Variants in SYT9 observed in about 807,000 individuals in gnomAD.
SYT9 encodes the protein synaptotagmin-9.
Under a neutral mutation model 48.4 loss-of-function variants are expected in SYT9, and 22 were observed. The observed-to-expected ratio is 0.45, with a 90% CI of 0.32 to 0.65. The LOEUF is 0.65. Ranked by LOEUF, SYT9 falls within the 30% of genes least tolerant of loss-of-function variation. The probability of loss-of-function intolerance (pLI) is 0.03; values close to 1 mark genes in which losing one functional copy is unlikely to be tolerated. For synonymous variants in SYT9, 265 were observed against 245.0 expected (o/e 1.08, Z -0.76); for missense variants, 577 against 622.0 (o/e 0.93, Z 0.77).
intron 3 of SYT9, among the ~76,000 whole-genome samples, chr11:7,345,248 G>A (rs971177893): frequency 6.6e-6 from 1 of 152,202 alleles, no homozygotes; most frequent in Non-Finnish European, 1.5e-5. Context: ...ACTAGGCTCT[G>A]CCTGGGTTTT....
intron 3 of SYT9, among the ~76,000 whole-genome samples, chr11:7,322,243 G>C (rs1007783190): frequency 6.6e-6 from 1 of 152,204 alleles, no homozygotes; most frequent in African/African-American, 2.4e-5. Context: ...TCCCCAGGCT[G>C]CTGCCAGCTT....
chr11:7,377,476 G>A (rs1241468985), intron 3 of SYT9, among the ~76,000 whole-genome samples: 3 of 152,102 alleles, frequency 2.0e-5, no homozygotes, highest in African/African-American at 7.2e-5. Context: ...TTGGAGGAAA[G>A]GCAGATCCTC....
At chr11:7,390,277 T>C (rs1378952520) in intron 3 of SYT9, among the ~76,000 whole-genome samples, 1 of 152,198 alleles carries the variant, frequency 6.6e-6, no homozygotes, top group African/African-American at 2.4e-5. Flanking sequence ...TCCAGCTTCA[T>C]CCATGTCCCT....
At chr11:7,250,888 A>T (rs1459421430), upstream of SYT9, among the ~76,000 whole-genome samples, 2 of 152,164 alleles carry the variant, frequency 1.3e-5, no homozygotes, top group African/African-American at 4.8e-5. Flanking sequence ...AGTATTACAA[A>T]AAAGACAAAA....
intron 6 of SYT9, among the ~76,000 whole-genome samples, chr11:7,429,661 G>A (rs549479521): frequency 6.6e-6 from 1 of 152,188 alleles, no homozygotes; most frequent in Admixed American, 6.5e-5. Context: ...TGGGAGTGAA[G>A]AGAACCATTC....
At chr11:7,388,027 G>A (rs1056626277) in intron 3 of SYT9, among the ~76,000 whole-genome samples, 2 of 152,006 alleles carry the variant, frequency 1.3e-5, no homozygotes, top group African/African-American at 4.8e-5. Flanking sequence ...ACTATGAATT[G>A]GGGAATATTC....
chr11:7,308,259 T>A (rs1443107689), intron 2 of SYT9, among the ~76,000 whole-genome samples: 2 of 152,212 alleles, frequency 1.3e-5, no homozygotes, highest in Non-Finnish European at 2.9e-5. Flanking sequence ...TTCTCTCTTT[T>A]TTCTCCTTGG....
intron 1 of SYT9, among the ~76,000 whole-genome samples, chr11:7,294,528 A>G (rs957615671): frequency 6.6e-6 from 1 of 152,258 alleles, no homozygotes; most frequent in African/African-American, 2.4e-5. Flanking sequence ...GTGAAAAGGC[A>G]TAGGATGGAC....
chr11:7,455,619 A>G (rs188912910), intron 6 of SYT9, among the ~76,000 whole-genome samples: 5 of 152,096 alleles, frequency 3.3e-5, no homozygotes, highest in Non-Finnish European at 7.4e-5. Context: ...GGATTTAGAC[A>G]TGAGCCATTG....
intron 3 of SYT9, among the ~76,000 whole-genome samples, chr11:7,354,503 G>A (rs1445543791): frequency 6.6e-6 from 1 of 152,158 alleles, no homozygotes; most frequent in Non-Finnish European, 1.5e-5. Context: ...TACACTGAGG[G>A]ATGCTGCACC....
chr11:7,358,978 C>T (rs1003296289), intron 3 of SYT9, among the ~76,000 whole-genome samples: 1 of 152,106 alleles, frequency 6.6e-6, no homozygotes, highest in East Asian at 1.9e-4. Flanking sequence ...TTAGGTATAT[C>T]TCCCAATGCT....
intron 3 of SYT9, among the ~76,000 whole-genome samples, chr11:7,390,755 C>G (rs947677202): frequency 1.3e-5 from 2 of 152,184 alleles, no homozygotes; most frequent in Non-Finnish European, 2.9e-5. Flanking sequence ...ATTCTCTGAA[C>G]TCAAGGCAAT....
intron 1 of SYT9, among the ~76,000 whole-genome samples, chr11:7,264,777 T>C (rs1218712048): frequency 2.6e-5 from 4 of 151,978 alleles, no homozygotes; most frequent in Non-Finnish European, 4.4e-5. Flanking sequence ...GCCCAGGGTT[T>C]TGGAAGTGTT....
At chr11:7,420,484 C>G in intron 5 of SYT9, 22 bp from the exon 6 acceptor site, 6 of 1,612,288 alleles carry the variant, frequency 3.7e-6, no homozygotes, top group Non-Finnish European at 4.2e-6. Flanking sequence ...TAAGAAAAAA[C>G]TATTGTGGGC....
intron 1 of SYT9, among the ~76,000 whole-genome samples, chr11:7,296,951 A>G (rs896823717): frequency 6.6e-6 from 1 of 152,100 alleles, no homozygotes; most frequent in East Asian, 1.9e-4. Context: ...CAAGTTCTCC[A>G]TGGGCTGATT....
chr11:7,313,999 A>T lies in SYT9; in HGVS notation c.1044+58A>T, dbSNP rs1249816267. 3 of 1,548,754 alleles carry T rather than the reference A, an allele frequency of 1.9e-6. No individual in the cohort carries two copies. The African/African-American group carries it at 4.1e-5, about 21-fold the overall frequency. ...GGGGCATCTTGGTTAGCAAGGAAAC[A>T]GATTACTTACACATTATCTTGAGGA... is the stretch of plus-strand genomic sequence containing the variant. On this transcript the variant is annotated intron_variant, in intron 3 of 6. Coordinates refer to ENST00000318881, the MANE Select transcript of SYT9 (RefSeq NM_175733.4).
At chr11:7,282,678 G>T (rs1848519481) in intron 1 of SYT9, among the ~76,000 whole-genome samples, 1 of 152,096 alleles carries the variant, frequency 6.6e-6, no homozygotes, top group South Asian at 2.1e-4. Flanking sequence ...TAGGCAGCAT[G>T]GTGGGAAGTC....
intron 3 of SYT9, among the ~76,000 whole-genome samples, chr11:7,335,442 T>C (rs12418971): frequency 0.23 from 34,603 of 151,970 alleles, 5,015 homozygotes; most frequent in East Asian, 0.56. Flanking sequence ...CCAATAATTA[T>C]TTTTTCTGAT....
chr11:7,262,563 G>T (rs550948648), intron 1 of SYT9, among the ~76,000 whole-genome samples: 1 of 152,194 alleles, frequency 6.6e-6, no homozygotes, highest in East Asian at 1.9e-4. Flanking sequence ...AATGAAGAGA[G>T]ACTAGAAATG....
Sources: allele counts gnomAD v4.1 joint callset (sites outside exome capture counted in the v4.1 genomes callset), GRCh38; gene constraint gnomAD v4.1.1; transcripts MANE v1.5; gene names NCBI Gene and HGNC (gene_info 2026-07-23, HGNC 2026-07-21).